Variants in ACOT1 observed in about 807,000 individuals in gnomAD.
ACOT1 encodes the protein acyl-CoA thioesterase 1, also known as acyl-coenzyme A thioesterase 1.
ACOT1 carries 8 observed loss-of-function variants against 15.7 expected under a neutral mutation model. The ratio of observed to expected loss-of-function variants is 0.51; its 90% CI spans 0.30 to 0.92. ACOT1 has a LOEUF of 0.92. Among genes scored for constraint, ACOT1 ranks in the 40% least tolerant of loss-of-function variants. ACOT1 has a pLI of 0.06. For synonymous variants in ACOT1, 67 were observed against 241.2 expected (o/e 0.28, Z 6.69); for missense variants, 151 against 539.4 (o/e 0.28, Z 7.13).
the ACOT1 span, among the ~76,000 whole-genome samples, chr14:73,528,534 G>C: frequency 6.6e-6 from 1 of 152,124 alleles, no homozygotes; most frequent in Admixed American, 6.6e-5. Context: ...ATCAAAAGAG[G>C]CTTGTTCTGG....
At chr14:73,526,323 A>G in the ACOT1 span, among the ~76,000 whole-genome samples, 675 of 152,286 alleles carry the variant, frequency 4.4e-3, 8 homozygotes, top group African/African-American at 0.016. Context: ...CAGCTGACCA[A>G]AGTGGCCTGG....
Position 73,537,253 on chromosome 14 carries a change from T to A in ACOT1, c.-169T>A, listed in dbSNP as rs1321397184. 3.6e-6 allele frequency: 2 copies of A among 555,464 alleles called. No individual in the cohort carries two copies. Among genetic ancestry groups the A allele is most frequent in the Non-Finnish European group, 5.5e-6 (2 of 362,290 alleles). 34.4% of individuals were successfully genotyped at this position (555,464 alleles called of 1,614,324 possible). ...AAGCAAGTTCCAGTGTGTCTATATT[T>A]GGTCTGGCTGATCGGCTGGACTCTG... On this transcript the variant is annotated 5_prime_UTR_variant, in exon 1 of 3. Transcript: ENST00000311148.
chr14:73,528,982 A>AC, the ACOT1 span: 1 of 152,168 alleles, frequency 6.6e-6, no homozygotes, highest in South Asian at 2.1e-4. Context: ...ATGAGGCAGC[A>AC]CCCACTTCCA....
chr14:73,498,424 A>G, the ACOT1 span: 19 of 1,249,790 alleles, frequency 1.5e-5, 1 homozygote, highest in Middle Eastern at 4.0e-4. Context: ...TGAGTTTTGC[A>G]AACAATACCT....
chr14:73,523,783 C>T, the ACOT1 span, among the ~76,000 whole-genome samples: 39 of 152,306 alleles, frequency 2.6e-4, no homozygotes, highest in Admixed American at 2.4e-3. Flanking sequence ...CTCCATAACT[C>T]TTTCTTGACC....
the ACOT1 span, chr14:73,491,142 A>G: frequency 5.2e-5 from 83 of 1,607,864 alleles, no homozygotes; most frequent in Non-Finnish European, 6.6e-5. Context: ...ATACGAAAGC[A>G]GCTGCGAAGT....
chr14:73,522,125 C>T, the ACOT1 span: 1 of 856,124 alleles, frequency 1.2e-6, no homozygotes, highest in Non-Finnish European at 1.8e-6. Context: ...CCTTACTTTG[C>T]AGAGCTCTCA....
the ACOT1 span, chr14:73,511,999 C>T: frequency 6.2e-7 from 1 of 1,613,848 alleles, no homozygotes. Flanking sequence ...TCAGCTTTGG[C>T]TCTCACCTGA....
chr14:73,526,585 T>C, the ACOT1 span, among the ~76,000 whole-genome samples: 1 of 151,938 alleles, frequency 6.6e-6, no homozygotes, highest in African/African-American at 2.4e-5. Context: ...CCAGAAGACT[T>C]TGAGTAGCAG....
At chr14:73,511,367 GA>G in the ACOT1 span, among the ~76,000 whole-genome samples, 3 of 151,180 alleles carry the variant, frequency 2.0e-5, no homozygotes, top group African/African-American at 7.3e-5. Context: ...ACAAAAAAAT[GA>G]GCTGGGCATG....
chr14:73,517,041 G>C, the ACOT1 span, among the ~76,000 whole-genome samples: 34,960 of 152,030 alleles, frequency 0.23, 4,704 homozygotes, highest in African/African-American at 0.33. Flanking sequence ...CTTTGTTTGG[G>C]AGGCTAAGGT....
chr14:73,495,220 A>C, the ACOT1 span: 1 of 1,612,264 alleles, frequency 6.2e-7, no homozygotes, highest in East Asian at 2.2e-5. Flanking sequence ...CACCCCTAGG[A>C]AACCTACCCT....
chr14:73,532,683 A>T (rs146884149), upstream of ACOT1, among the ~76,000 whole-genome samples: 2,512 of 115,530 alleles, frequency 0.022, 757 homozygotes, highest in Middle Eastern at 0.066. Flanking sequence ...GGCCGGGTGC[A>T]GTGGCTCACG....
At chr14:73,536,517 A>T (rs1285190874), upstream of ACOT1, among the ~76,000 whole-genome samples, 2 of 49,932 alleles carry the variant, frequency 4.0e-5, no homozygotes, top group African/African-American at 9.9e-5. Flanking sequence ...CTGTCTCTTT[A>T]AAAAAAAAAA....
chr14:73,512,093 G>T, the ACOT1 span: 1 of 1,614,172 alleles, frequency 6.2e-7, no homozygotes, highest in Non-Finnish European at 8.5e-7. Context: ...ACGTCATCAT[G>T]CAGGTCTCCC....
chr14:73,515,080 AC>A, the ACOT1 span, among the ~76,000 whole-genome samples: 1 of 146,798 alleles, frequency 6.8e-6, no homozygotes. Flanking sequence ...AAAAAAAAAA[AC>A]AAAAAAAAAA....
the ACOT1 span, chr14:73,503,084 T>G: frequency 8.3e-7 from 1 of 1,210,988 alleles, no homozygotes; most frequent in Non-Finnish European, 1.2e-6. Context: ...GTTGTGCTGT[T>G]TTTTCTTCTT....
the ACOT1 span, chr14:73,522,300 GCTT>G: frequency 1.6e-3 from 2,647 of 1,614,166 alleles, 27 homozygotes; most frequent in African/African-American, 0.025. Flanking sequence ...AGCAGTTCTG[GCTT>G]CTTCTTTTCC....
the ACOT1 span, among the ~76,000 whole-genome samples, chr14:73,493,963 G>C: frequency 6.6e-6 from 1 of 152,212 alleles, no homozygotes; most frequent in Non-Finnish European, 1.5e-5. Flanking sequence ...CTACCAGCTT[G>C]TTCAGTTTTA....
Sources: gnomAD v4.1 joint callset for allele counts (sites outside exome capture counted in the v4.1 genomes callset) on GRCh38, gnomAD v4.1.1 for gene constraint, MANE v1.5 for transcripts, NCBI Gene and HGNC (gene_info 2026-07-23, HGNC 2026-07-21) for gene names.